The following CDH13 variants were observed in gnomAD, a reference collection of about 807,000 sequenced individuals.
CDH13 encodes cadherin-13.
Under a neutral mutation model 63.8 loss-of-function variants are expected in CDH13, and 24 were observed. The observed-to-expected ratio is 0.38, with a 90% confidence interval of 0.27 to 0.53. The LOEUF (loss-of-function observed/expected upper bound fraction) is 0.53. Among genes scored for constraint, CDH13 ranks in the 20% least tolerant of loss-of-function variants. CDH13 has a pLI of 0.85. For missense variants in CDH13, 1,049 were observed against 903.1 expected (o/e 1.16, Z -2.07); for synonymous variants, 503 against 355.3 (o/e 1.42, Z -4.67).
At chr16:83,177,094 G>A (rs967975305) in intron 4 of CDH13, among the ~76,000 whole-genome samples, 6 of 152,152 alleles carry the variant, frequency 3.9e-5, no homozygotes, top group African/African-American at 9.7e-5. Flanking sequence ...CTTGAGATGT[G>A]GCTGGTGTGA....
intron 5 of CDH13, among the ~76,000 whole-genome samples, chr16:83,235,086 T>C (rs2040106266): frequency 6.6e-6 from 1 of 152,198 alleles, no homozygotes; most frequent in Non-Finnish European, 1.5e-5. Flanking sequence ...GCACCTATAA[T>C]CCTAGTTACT....
At chr16:83,154,522 G>C (rs949500932) in intron 4 of CDH13, among the ~76,000 whole-genome samples, 1 of 149,138 alleles carries the variant, frequency 6.7e-6, no homozygotes, top group African/African-American at 2.5e-5. Flanking sequence ...AGCCAAGATC[G>C]CACCACTGCA....
At chr16:83,045,792 G>C (rs1567777635) in intron 3 of CDH13, among the ~76,000 whole-genome samples, 1 of 152,300 alleles carries the variant, frequency 6.6e-6, no homozygotes, top group East Asian at 1.9e-4. Context: ...AAAGAAACAG[G>C]GGAAGAGGTA....
chr16:82,791,408 A>G (rs766590469), intron 1 of CDH13, among the ~76,000 whole-genome samples: 32 of 152,216 alleles, frequency 2.1e-4, no homozygotes, highest in Non-Finnish European at 4.6e-4. Flanking sequence ...GTCAAATCAT[A>G]TATCGCCTGA....
intron 7 of CDH13, among the ~76,000 whole-genome samples, chr16:83,502,238 G>T (rs1306076976): frequency 6.6e-6 from 1 of 152,192 alleles, no homozygotes; most frequent in East Asian, 1.9e-4. Flanking sequence ...GAATTATCCA[G>T]ATGGGCCTGA....
chr16:83,246,483 A>G (rs556924344), intron 5 of CDH13, among the ~76,000 whole-genome samples: 36 of 152,150 alleles, frequency 2.4e-4, no homozygotes, highest in African/African-American at 6.7e-4. Flanking sequence ...TCTTAATCCT[A>G]TCATTGGCCT....
chr16:83,289,471 C>G (rs1376679766), intron 5 of CDH13, among the ~76,000 whole-genome samples: 1 of 152,172 alleles, frequency 6.6e-6, no homozygotes, highest in Non-Finnish European at 1.5e-5. Context: ...TTTCAGCACT[C>G]TTAAGGTGAT....
At chr16:83,331,130 C>T (rs771544875) in intron 5 of CDH13, among the ~76,000 whole-genome samples, 5 of 152,112 alleles carry the variant, frequency 3.3e-5, no homozygotes, top group African/African-American at 7.2e-5. Context: ...TGATAAGGGA[C>T]GGACTTGGGC....
intron 7 of CDH13, among the ~76,000 whole-genome samples, chr16:83,501,633 C>A (rs796995883): frequency 5.9e-5 from 9 of 152,308 alleles, no homozygotes; most frequent in African/African-American, 2.2e-4. Flanking sequence ...TTGCCACATC[C>A]ATTCTACTAG....
intron 1 of CDH13, among the ~76,000 whole-genome samples, chr16:82,659,084 C>T (rs1367347099): frequency 6.6e-6 from 1 of 152,140 alleles, no homozygotes; most frequent in Non-Finnish European, 1.5e-5. Context: ...AATATGCTTC[C>T]CATTATACAG....
chr16:83,663,550 G>A (rs371828003), intron 8 of CDH13, among the ~76,000 whole-genome samples: 12 of 152,192 alleles, frequency 7.9e-5, no homozygotes, highest in East Asian at 1.9e-4. Flanking sequence ...AAAATAACCC[G>A]AAAAGTTAGT....
At chr16:83,579,951 G>A (rs926026777) in intron 7 of CDH13, among the ~76,000 whole-genome samples, 6 of 152,108 alleles carry the variant, frequency 3.9e-5, no homozygotes, top group East Asian at 3.9e-4. Context: ...ACACCTGGAC[G>A]GAGGCTGTCC....
chr16:83,368,537 A>G (rs969018354), intron 6 of CDH13, among the ~76,000 whole-genome samples: 2 of 151,558 alleles, frequency 1.3e-5, no homozygotes, highest in African/African-American at 2.4e-5. Context: ...TTTTATTTCA[A>G]TAGGTTTTTT....
intron 5 of CDH13, among the ~76,000 whole-genome samples, chr16:83,223,158 G>A (rs1395112218): frequency 6.6e-6 from 1 of 152,306 alleles, no homozygotes; most frequent in African/African-American, 2.4e-5. Context: ...ATAAAGAAGA[G>A]AATCGTATTG....
intron 8 of CDH13, among the ~76,000 whole-genome samples, chr16:83,655,786 C>G (rs965950967): frequency 6.6e-6 from 1 of 152,152 alleles, no homozygotes; most frequent in African/African-American, 2.4e-5. Context: ...TTCATTGAAT[C>G]AATGAATCAT....
intron 1 of CDH13, among the ~76,000 whole-genome samples, chr16:82,794,180 T>C (rs1184786995): frequency 6.7e-6 from 1 of 149,154 alleles, no homozygotes; most frequent in Non-Finnish European, 1.5e-5. Context: ...TTTCTTTTCT[T>C]TTCTTTTTTT....
At chr16:83,759,892 C>A (rs547394029) in intron 11 of CDH13, among the ~76,000 whole-genome samples, 1 of 135,954 alleles carries the variant, frequency 7.4e-6, no homozygotes, top group African/African-American at 2.6e-5. Flanking sequence ...CACACCACTG[C>A]ACTCCAGCAT....
intron 1 of CDH13, among the ~76,000 whole-genome samples, chr16:82,673,678 T>G (rs1233311102): frequency 6.6e-6 from 1 of 152,196 alleles, no homozygotes; most frequent in African/African-American, 2.4e-5. Flanking sequence ...TAAACCTATG[T>G]TGAGAAATCG....
intron 4 of CDH13, among the ~76,000 whole-genome samples, chr16:83,197,283 A>ATG (rs908275539): frequency 5.2e-4 from 79 of 152,008 alleles, no homozygotes; most frequent in African/African-American, 1.9e-3. Flanking sequence ...ATATATATAT[A>ATG]TATATATGCA....
Sources: allele counts gnomAD v4.1 joint callset (sites outside exome capture counted in the v4.1 genomes callset), GRCh38; gene constraint gnomAD v4.1.1; transcripts MANE v1.5; gene names NCBI Gene and HGNC (gene_info 2026-07-23, HGNC 2026-07-21).